The following IQCB1 variants were observed in gnomAD, a reference collection of about 807,000 sequenced individuals.
IQCB1 encodes IQ motif containing B1, also known as IQ calmodulin-binding motif-containing protein 1.
In IQCB1, 56 loss-of-function variants were observed where a neutral mutation model predicts 84.4. That is an observed-to-expected ratio of 0.66 (90% CI 0.54 to 0.83). The LOEUF is 0.83. Ranked by LOEUF, IQCB1 falls within the 40% of genes least tolerant of loss-of-function variation. The pLI is 0.00. For synonymous variants in IQCB1, 210 were observed against 234.8 expected (o/e 0.89, Z 0.96); for missense variants, 629 against 682.1 (o/e 0.92, Z 0.87).
rs556582359 is a variant in IQCB1 at position 121,773,045 on chromosome 3, G to A, written c.1411-332C>T. On this transcript the variant is annotated intron_variant, in intron 13 of 14. Coordinates refer to ENST00000310864, the MANE Select transcript of IQCB1 (RefSeq NM_001023570.4). Reference sequence around the variant, plus strand: ...TTCGTAAAGACACTGGCCTGGGGCCGGGTGTGGTGGCTCACGCCTGTAATC... The same window carrying A: ...TTCGTAAAGACACTGGCCTGGGGCCAGGTGTGGTGGCTCACGCCTGTAATC... 6.6e-5 allele frequency among the ~76,000 whole-genome samples: 10 copies of A among 152,230 alleles called. No homozygotes were observed. The South Asian group carries it at 1.9e-3, about 28-fold the overall frequency.
In IQCB1 at chr3:121,831,213, C is replaced by T. The variant is rs1277416684; in HGVS notation, c.-12-2241G>A. On this transcript the variant is annotated intron_variant, in intron 2 of 14. Transcript: ENST00000310864. ...TGGAGACAGGATCTCACTCCTGTTG[C>T]CCAGGCTGGAGGACAATGGTACAAT... 6.6e-5 allele frequency among the ~76,000 whole-genome samples: 9 copies of T among 137,348 alleles called. No homozygotes were observed. The East Asian group carries it at 1.2e-3, about 19-fold the overall frequency. The allele number at this position is 137,348 out of a possible 152,430, so 90.1% of individuals were successfully genotyped here. A position where few individuals can be genotyped will look rare whatever the true frequency, so the allele number is the denominator to read the frequency against.
chr3:121,773,313 TAA>T (rs57716745), intron 13 of IQCB1, among the ~76,000 whole-genome samples: 1,385 of 104,380 alleles, frequency 0.013, 12 homozygotes, highest in African/African-American at 0.046. Flanking sequence ...GACTCTGCCT[TAA>T]AAAAAAAAAA....
At chr3:121,796,401 T>C (rs2108563927) in intron 9 of IQCB1, among the ~76,000 whole-genome samples, 1 of 152,264 alleles carries the variant, frequency 6.6e-6, no homozygotes, top group Admixed American at 6.5e-5. Context: ...TTAGTCATTT[T>C]AGATGTTTTC....
intron 5 of IQCB1, among the ~76,000 whole-genome samples, chr3:121,817,506 A>G (rs577596882): frequency 3.9e-5 from 6 of 152,276 alleles, no homozygotes; most frequent in Admixed American, 3.3e-4. Context: ...TGTCTGTACT[A>G]TTATACCTCT....
intron 5 of IQCB1, among the ~76,000 whole-genome samples, chr3:121,822,930 T>G (rs1214539566): frequency 6.6e-6 from 1 of 152,046 alleles, no homozygotes; most frequent in Non-Finnish European, 1.5e-5. Context: ...AGCAGAAAAA[T>G]TTGACCCAGA....
At chr3:121,785,278 G>C (rs1362410595) in intron 12 of IQCB1, among the ~76,000 whole-genome samples, 1 of 150,918 alleles carries the variant, frequency 6.6e-6, no homozygotes, top group Non-Finnish European at 1.5e-5. Flanking sequence ...TTGAGGCAGG[G>C]TCTTATTCCT....
At position 121,790,076 on chromosome 3, in the gene IQCB1, G is replaced by C. The variant is rs760669252; in HGVS notation, c.1126C>G (p.Pro376Ala). 1.9e-6 allele frequency: 3 copies of C among 1,612,916 alleles called. No individual in the cohort carries two copies. Among genetic ancestry groups the C allele is most frequent in the East Asian group, 2.2e-5 (1 of 44,852 alleles). The change falls in exon 11 of 15, where the codon CCA becomes GCA. Residue 376 changes from proline (P) to alanine (A), a missense_variant. By Grantham distance (27) the Pro-to-Ala change is conservative. Transcript: ENST00000310864. ...TAAAGTTGATACTGCCACTCACCTG[G>C]ATGAACTATTTCGAGCATACTCAGC... is the stretch of plus-strand genomic sequence containing the variant. The part of the protein sequence containing the change: ...LQLSMLEIVH[P>A]GQVEKHYREM...
At chr3:121,790,574 C>T (rs1948924353) in intron 10 of IQCB1, among the ~76,000 whole-genome samples, 1 of 152,042 alleles carries the variant, frequency 6.6e-6, no homozygotes, top group Admixed American at 6.5e-5. Context: ...AAGTTGAAAA[C>T]AAACTTTGTC....
rs1399676175 is a variant in IQCB1, at chr3:121,770,486, G to C, written c.1656C>G (p.Ala552=). 1.9e-6 allele frequency: 3 copies of C among 1,614,024 alleles called. No homozygotes were observed. Among genetic ancestry groups the C allele is most frequent in the East Asian group, 4.5e-5 (2 of 44,900 alleles). Residue 552 remains alanine (A), a synonymous_variant, in exon 15 of 15, where the codon GCC becomes GCG. Coordinates refer to ENST00000310864, the MANE Select transcript of IQCB1 (RefSeq NM_001023570.4). ...SRPVAAKAKQ[A]HLTTLKHIQA... is the part of the protein sequence containing the mutation. ...GTATGTGCTTCAGGGTTGTGAGATG[G>C]GCCTGCTTGGCCTTGGCTGCCACAG...
At chr3:121,822,666 T>C (rs1950318604) in intron 5 of IQCB1, among the ~76,000 whole-genome samples, 1 of 152,216 alleles carries the variant, frequency 6.6e-6, no homozygotes, top group Admixed American at 6.5e-5. Context: ...TGGGTTAACA[T>C]GGTGGGCTTT....
chr3:121,824,011 G>A (rs1315956539), intron 5 of IQCB1, among the ~76,000 whole-genome samples: 2 of 152,144 alleles, frequency 1.3e-5, no homozygotes, highest in Non-Finnish European at 2.9e-5. Flanking sequence ...TTAAATGCAA[G>A]TAAATGATAC....
At chr3:121,784,851 T>G (rs1948642550) in intron 12 of IQCB1, among the ~76,000 whole-genome samples, 1 of 152,072 alleles carries the variant, frequency 6.6e-6, no homozygotes, top group Non-Finnish European at 1.5e-5. Context: ...CCAGCTAATT[T>G]TTTATAGAGA....
intron 5 of IQCB1, among the ~76,000 whole-genome samples, chr3:121,810,908 T>G (rs1242445120): frequency 6.6e-6 from 1 of 152,108 alleles, no homozygotes; most frequent in Non-Finnish European, 1.5e-5. Context: ...AAAATGCCAG[T>G]GGAGATATCA....
chr3:121,823,572 AG>A (rs1203915595), intron 5 of IQCB1, among the ~76,000 whole-genome samples: 2 of 152,228 alleles, frequency 1.3e-5, no homozygotes. Flanking sequence ...GTGCAAAAAG[AG>A]GAAAAAAAAT....
At chr3:121,825,832 T>C (rs1412590336) in intron 5 of IQCB1, among the ~76,000 whole-genome samples, 1 of 152,212 alleles carries the variant, frequency 6.6e-6, no homozygotes, top group East Asian at 1.9e-4. Context: ...ACAAGTAAAG[T>C]AGCAAGGCAG....
chr3:121,799,191 A>G lies in IQCB1; in HGVS notation c.766+5T>C, dbSNP rs941589350. The G allele has an allele frequency of 1.2e-6, 2 of 1,600,032 alleles. No individual in the cohort carries two copies. Among genetic ancestry groups the G allele is most frequent in the African/African-American group, 2.7e-5 (2 of 74,566 alleles). On this transcript the variant is annotated splice_donor_5th_base_variant and intron_variant, in intron 8 of 14. Coordinates refer to ENST00000310864, the MANE Select transcript of IQCB1 (RefSeq NM_001023570.4). Reference sequence around the variant, plus strand: ...TCCCAAGAAAAGAAAGAATGAATGTACTACCTTTGTAGCAGGTACTTTGTC... The same window carrying G: ...TCCCAAGAAAAGAAAGAATGAATGTGCTACCTTTGTAGCAGGTACTTTGTC...
intron 14 of IQCB1, among the ~76,000 whole-genome samples, chr3:121,771,491 G>A (rs1947991078): frequency 6.6e-6 from 1 of 151,676 alleles, no homozygotes; most frequent in Admixed American, 6.6e-5. Context: ...ACCATGCCCA[G>A]CTAATTTTTG....
intron 5 of IQCB1, among the ~76,000 whole-genome samples, chr3:121,816,737 G>A (rs1449878262): frequency 6.6e-6 from 1 of 152,148 alleles, no homozygotes; most frequent in African/African-American, 2.4e-5. Context: ...CAGTTAGAGT[G>A]GCGATCATTA....
intron 10 of IQCB1, among the ~76,000 whole-genome samples, chr3:121,794,227 A>C (rs945903525): frequency 6.6e-6 from 1 of 152,158 alleles, no homozygotes; most frequent in Non-Finnish European, 1.5e-5. Context: ...TACCTATTTA[A>C]TGCATCTATT....
Sources: allele counts gnomAD v4.1 joint callset (sites outside exome capture counted in the v4.1 genomes callset), GRCh38; gene constraint gnomAD v4.1.1; transcripts MANE v1.5; gene names NCBI Gene and HGNC (gene_info 2026-07-23, HGNC 2026-07-21).